Variants in CEP128 observed in about 807,000 individuals in gnomAD.
CEP128 encodes centrosomal protein 128kDa.
Under a neutral mutation model 156.7 loss-of-function variants are expected in CEP128, and 132 were observed. The observed-to-expected ratio is 0.84, with a 90% CI of 0.73 to 0.97. The LOEUF (loss-of-function observed/expected upper bound fraction) is 0.97. CEP128 is among the 50% of genes least tolerant of loss of function. The pLI, the probability that CEP128 is intolerant of heterozygous loss-of-function variation, is 0.00. For synonymous variants in CEP128, 469 were observed against 448.9 expected (o/e 1.04, Z -0.57); for missense variants, 1,252 against 1,281.9 (o/e 0.98, Z 0.36).
intron 14 of CEP128, among the ~76,000 whole-genome samples, chr14:80,789,715 C>T (rs984299301): frequency 2.6e-5 from 4 of 151,698 alleles, no homozygotes; most frequent in Non-Finnish European, 4.4e-5. Flanking sequence ...AAAAGCTGTG[C>T]GAAGCCAAAA....
At chr14:80,610,849 T>TA (rs1892967414) in intron 19 of CEP128, among the ~76,000 whole-genome samples, 1 of 152,156 alleles carries the variant, frequency 6.6e-6, no homozygotes, top group Non-Finnish European at 1.5e-5. Flanking sequence ...ACATAGTTAT[T>TA]AAAAAAGAAC....
intron 21 of CEP128, among the ~76,000 whole-genome samples, chr14:80,544,253 T>TA (rs1314197359): frequency 6.6e-6 from 1 of 152,320 alleles, no homozygotes; most frequent in East Asian, 1.9e-4. Flanking sequence ...TGAAAACTCT[T>TA]AAACATAGGG....
intron 22 of CEP128, chr14:80,527,409 T>C (rs1233411622): frequency 6.2e-6 from 1 of 160,042 alleles, no homozygotes; most frequent in Non-Finnish European, 1.3e-5. Flanking sequence ...ACAGCCTGGG[T>C]GAAAGAGCAA....
chr14:80,796,942 G>C (rs1883521155), intron 13 of CEP128, among the ~76,000 whole-genome samples: 1 of 152,214 alleles, frequency 6.6e-6, no homozygotes, highest in African/African-American at 2.4e-5. Flanking sequence ...TCTCTGATGA[G>C]GGAGGATGGA....
intron 19 of CEP128, among the ~76,000 whole-genome samples, chr14:80,606,625 C>T (rs1337743415): frequency 4.6e-5 from 7 of 151,920 alleles, no homozygotes; most frequent in Admixed American, 4.6e-4. Context: ...GTTTAGATTC[C>T]CTAAAGTAGA....
chr14:80,743,639 G>T (rs567264053), intron 18 of CEP128, among the ~76,000 whole-genome samples: 6 of 152,224 alleles, frequency 3.9e-5, no homozygotes, highest in Non-Finnish European at 8.8e-5. Context: ...TTTTATAAAA[G>T]AAGTATTCCT....
At chr14:80,847,995 C>T (rs1174064278) in intron 9 of CEP128, among the ~76,000 whole-genome samples, 1 of 152,208 alleles carries the variant, frequency 6.6e-6, no homozygotes, top group Non-Finnish European at 1.5e-5. Flanking sequence ...TGGGCCCCTA[C>T]TCTATGCCAA....
intron 16 of CEP128, among the ~76,000 whole-genome samples, chr14:80,766,276 T>C (rs779109201): frequency 4.6e-5 from 7 of 152,220 alleles, no homozygotes; most frequent in Non-Finnish European, 8.8e-5. Context: ...AAGGCTCATA[T>C]TGTTGACACT....
At chr14:80,711,750 G>T (rs918202618) in intron 19 of CEP128, among the ~76,000 whole-genome samples, 2 of 152,042 alleles carry the variant, frequency 1.3e-5, no homozygotes, top group African/African-American at 4.8e-5. Context: ...AATGCTTGAA[G>T]AAATGGATAC....
chr14:80,722,821 C>CTTTTT (rs142796338), intron 19 of CEP128, among the ~76,000 whole-genome samples: 2 of 103,978 alleles, frequency 1.9e-5, no homozygotes, highest in South Asian at 3.2e-4. Context: ...TACTCTTTAT[C>CTTTTT]TTTTTTTTTT....
Position 80,779,216 on chromosome 14 carries a change from T to C in CEP128, c.2212-1170A>G, listed in dbSNP as rs547259385. Among the ~76,000 whole-genome samples, 5 of 152,356 alleles carry C rather than the reference T, an allele frequency of 3.3e-5. 1 individual carries two copies. The highest frequency in any genetic ancestry group is 1.2e-4 in the African/African-American group (5 of 41,586). On this transcript the variant is annotated intron_variant, in intron 15 of 24. Coordinates refer to ENST00000555265, the MANE Select transcript of CEP128 (RefSeq NM_152446.5). ...ATGCCTAAAATATATGTTTCTTTTA[T>C]TTTTATAAGTTTATCATATGAGTTT...
intron 20 of CEP128, among the ~76,000 whole-genome samples, chr14:80,570,199 C>A (rs1891079069): frequency 6.6e-6 from 1 of 152,106 alleles, no homozygotes; most frequent in African/African-American, 2.4e-5. Context: ...CTCACTGCAA[C>A]CTCCGCCTCC....
intron 19 of CEP128, among the ~76,000 whole-genome samples, chr14:80,709,205 C>T (rs1355467434): frequency 2.0e-5 from 3 of 151,180 alleles, no homozygotes; most frequent in East Asian, 3.9e-4. Context: ...AATGGCATGA[C>T]CTCAGCCACT....
chr14:80,514,164 T>G (rs1888384239), intron 23 of CEP128, among the ~76,000 whole-genome samples: 2 of 152,320 alleles, frequency 1.3e-5, no homozygotes, highest in East Asian at 1.9e-4. Context: ...GCCCCTGCTT[T>G]GAGTTGTCCC....
At chr14:80,657,369 G>C (rs1387771173) in intron 19 of CEP128, among the ~76,000 whole-genome samples, 1 of 151,778 alleles carries the variant, frequency 6.6e-6, no homozygotes, top group Non-Finnish European at 1.5e-5. Context: ...ACTTCTCAGG[G>C]GGCTGAGCAC....
intron 19 of CEP128, among the ~76,000 whole-genome samples, chr14:80,719,649 T>A (rs1897739741): frequency 6.6e-6 from 1 of 152,132 alleles, no homozygotes. Flanking sequence ...GGAAACAGAA[T>A]TCATTAGAAG....
chr14:80,625,393 C>G (rs1893668777), intron 19 of CEP128, among the ~76,000 whole-genome samples: 1 of 152,008 alleles, frequency 6.6e-6, no homozygotes, highest in East Asian at 1.9e-4. Flanking sequence ...ATGCCTCGAG[C>G]TTTGTTCTTC....
At chr14:80,906,162 C>A in intron 4 of CEP128, 81 bp from the exon 5 acceptor site, 2 of 1,134,062 alleles carry the variant, frequency 1.8e-6, no homozygotes, top group Non-Finnish European at 1.2e-6. Context: ...ATTTTCAAAG[C>A]TATTTCTGAA....
intron 19 of CEP128, among the ~76,000 whole-genome samples, chr14:80,617,259 G>A (rs1386081995): frequency 2.1e-5 from 2 of 96,956 alleles, no homozygotes; most frequent in Admixed American, 2.5e-4. Flanking sequence ...GAGACGGAGT[G>A]TTGCTCTGTC....
Sources: allele counts gnomAD v4.1 joint callset (sites outside exome capture counted in the v4.1 genomes callset), GRCh38; gene constraint gnomAD v4.1.1; transcripts MANE v1.5; gene names NCBI Gene and HGNC (gene_info 2026-07-23, HGNC 2026-07-21).